The following DNAH14 variants were observed in gnomAD, a reference collection of about 807,000 sequenced individuals.
DNAH14 encodes the protein axonemal beta dynein heavy chain 14.
In DNAH14, 478 loss-of-function variants were observed where a neutral mutation model predicts 520.9. That is an observed-to-expected ratio of 0.92 (90% CI 0.85 to 0.99). The LOEUF is 0.99. Among genes scored for constraint, DNAH14 ranks in the 50% least tolerant of loss-of-function variants. The pLI, the probability that DNAH14 is intolerant of heterozygous loss-of-function variation, is 0.00. For synonymous variants in DNAH14, 1,581 were observed against 1,757.2 expected (o/e 0.90, Z 2.51); for missense variants, 4,831 against 5,234.5 (o/e 0.92, Z 2.38).
intron 4 of DNAH14, among the ~76,000 whole-genome samples, chr1:224,960,565 A>G (rs2060780967): frequency 6.6e-6 from 1 of 152,092 alleles, no homozygotes; most frequent in Non-Finnish European, 1.5e-5. Context: ...TAGAACTATA[A>G]TATAAACTGT....
At chr1:225,312,797 C>T (rs1222907431) in intron 60 of DNAH14, among the ~76,000 whole-genome samples, 1 of 152,198 alleles carries the variant, frequency 6.6e-6, no homozygotes, top group Non-Finnish European at 1.5e-5. Context: ...ATGAAGCCAA[C>T]TTGATCGTGG....
intron 17 of DNAH14, among the ~76,000 whole-genome samples, chr1:225,070,953 T>A (rs2071480247): frequency 6.6e-6 from 1 of 152,228 alleles, no homozygotes; most frequent in Admixed American, 6.5e-5. Flanking sequence ...TTTGTCTTTT[T>A]TATCTTTGTT....
Position 224,981,137 on chromosome 1 carries a change from C to T in DNAH14, c.830+6984C>T, listed in dbSNP as rs1039338045. Among the ~76,000 whole-genome samples the T allele has an allele frequency of 5.9e-5, 9 of 152,168 alleles. No homozygotes were observed. The South Asian group carries it at 8.3e-4, about 14-fold the overall frequency. ...ATCCCTGCATCCCTGGTATGAAACC[C>T]ACTTGATCATGGTGGATTATCTGTT... On this transcript the variant is annotated intron_variant, in intron 8 of 85. Transcript: ENST00000682510.
intron 35 of DNAH14, among the ~76,000 whole-genome samples, chr1:225,162,541 A>G (rs2081618714): frequency 6.6e-6 from 1 of 152,134 alleles, no homozygotes; most frequent in Admixed American, 6.5e-5. Flanking sequence ...TACCATGTAA[A>G]TTTTAGAATT....
At chr1:225,109,638 T>C (rs559750194) in intron 23 of DNAH14, among the ~76,000 whole-genome samples, 2 of 152,316 alleles carry the variant, frequency 1.3e-5, no homozygotes, top group African/African-American at 4.8e-5. Flanking sequence ...TATAAGATCA[T>C]ATCATCTGCA....
chr1:225,217,632 C>T (rs188909900), intron 41 of DNAH14, among the ~76,000 whole-genome samples: 8 of 152,316 alleles, frequency 5.3e-5, no homozygotes, highest in Admixed American at 3.3e-4. Flanking sequence ...TCACTGCCAC[C>T]TTGCAGTTCG....
intron 17 of DNAH14, 88 bp from the exon 18 acceptor site, chr1:225,079,119 A>T: frequency 8.3e-7 from 1 of 1,199,196 alleles, no homozygotes; most frequent in Non-Finnish European, 1.2e-6. Flanking sequence ...AATTAGACTT[A>T]TATAAGTCAG....
At chr1:225,048,476 G>A (rs1351648279) in intron 15 of DNAH14, among the ~76,000 whole-genome samples, 12 of 152,192 alleles carry the variant, frequency 7.9e-5, no homozygotes, top group African/African-American at 2.9e-4. Context: ...ACTCCAGCCT[G>A]AGTGACAGTG....
At position 225,257,950 on chromosome 1, in the gene DNAH14, G is replaced by T. The variant is rs670255; in HGVS notation, c.6866-10G>T. The T allele has an allele frequency of 0.27, 408,124 of 1,529,598 alleles. 64,297 individuals carry two copies. The highest frequency in any genetic ancestry group is 0.63 in the African/African-American group (44,718 of 71,444). The allele number at this position is 1,529,598 out of a possible 1,614,324, so 94.8% of individuals were successfully genotyped here. A position where few individuals can be genotyped will look rare whatever the true frequency, so the allele number is the denominator to read the frequency against. On this transcript the variant is annotated splice_polypyrimidine_tract_variant and intron_variant, in intron 44 of 85. Transcript: ENST00000682510. The stretch of plus-strand genomic sequence containing the variant: ...GGTCATTTGAAACTTTTTTTAAAAT[G>T]TTAACTTAGGAACTTCATTACTAAC...
intron 61 of DNAH14, among the ~76,000 whole-genome samples, chr1:225,321,535 G>A (rs2094555030): frequency 6.6e-6 from 1 of 152,130 alleles, no homozygotes; most frequent in South Asian, 2.1e-4. Flanking sequence ...TTCCTTCTTT[G>A]GGAAGTCTGT....
intron 61 of DNAH14, among the ~76,000 whole-genome samples, chr1:225,319,156 C>G (rs551866577): frequency 6.6e-6 from 1 of 152,288 alleles, no homozygotes; most frequent in African/African-American, 2.4e-5. Flanking sequence ...GACATTACCA[C>G]AAGGTGTCAC....
chr1:225,003,032 C>A (rs2063881414), intron 9 of DNAH14, 105 bp downstream of exon 9: 1 of 1,056,148 alleles, frequency 9.5e-7, no homozygotes, highest in Non-Finnish European at 1.3e-6. Context: ...CATAAATAAA[C>A]CATCTCTTTC....
chr1:225,151,736 C>A, intron 31 of DNAH14: 1 of 608,438 alleles, frequency 1.6e-6, no homozygotes, highest in Non-Finnish European at 2.9e-6. Context: ...TGTAAGTCAA[C>A]TCATTCAGCT....
At chr1:225,273,150 T>A (rs1390742659) in intron 52 of DNAH14, 25 bp downstream of exon 52, 1 of 1,534,204 alleles carries the variant, frequency 6.5e-7, no homozygotes, top group South Asian at 1.2e-5. Flanking sequence ...TAAAAATTAT[T>A]GGCCGGGTGT....
chr1:225,291,001 A>G (rs2093875934), intron 55 of DNAH14, among the ~76,000 whole-genome samples: 1 of 151,806 alleles, frequency 6.6e-6, no homozygotes, highest in South Asian at 2.1e-4. Flanking sequence ...TGTATCCCTT[A>G]AAAAATCCCT....
chr1:225,322,148 T>C (rs892865242), intron 61 of DNAH14, among the ~76,000 whole-genome samples: 1 of 132,674 alleles, frequency 7.5e-6, no homozygotes, highest in Non-Finnish European at 1.5e-5. Context: ...TGGAGAACAG[T>C]GGCGTGATCT....
Position 225,082,562 on chromosome 1 carries a change from C to T in DNAH14, c.3150C>T (p.Ser1050=), listed in dbSNP as rs550075780. Residue 1050 remains serine, a synonymous_variant, in exon 20 of 86, where the codon AGC becomes AGT. Transcript: ENST00000682510. ...TGTTATTTATAGGTTTACCTAAAAG[C>T]GATATGGTAACACATCTTAAGCAAG... ...ISVLEKGLPK[S]DMVTHLKQVV... 22 of 1,548,070 alleles carry T rather than the reference C, an allele frequency of 1.4e-5. No homozygotes were observed. In the South Asian group the frequency reaches 1.6e-4, roughly 11 times the overall value.
chr1:225,021,593 G>A (rs2065699573), intron 10 of DNAH14, among the ~76,000 whole-genome samples: 1 of 151,734 alleles, frequency 6.6e-6, no homozygotes, highest in East Asian at 1.9e-4. Context: ...TGATAGATAT[G>A]TACAATGAGA....
Position 225,280,548 on chromosome 1 carries a change from G to A in DNAH14, c.8271+3046G>A, listed in dbSNP as rs186525750. The stretch of plus-strand genomic sequence containing the variant: ...TGGGAGGCAGAGCTTGCAGTGAGCC[G>A]AGATAGCGCCACTGAACTCCAGCCT... On this transcript the variant is annotated intron_variant, in intron 54 of 85. Coordinates refer to ENST00000682510, the MANE Select transcript of DNAH14 (RefSeq NM_001367479.1). 5.3e-4 allele frequency among the ~76,000 whole-genome samples: 80 copies of A among 151,740 alleles called. 1 individual carries two copies. In the South Asian group the frequency reaches 0.015, roughly 28 times the overall value.
Sources: allele counts gnomAD v4.1 joint callset (sites outside exome capture counted in the v4.1 genomes callset), GRCh38; gene constraint gnomAD v4.1.1; transcripts MANE v1.5; gene names NCBI Gene and HGNC (gene_info 2026-07-23, HGNC 2026-07-21).